The following CIRSR variants were observed in gnomAD, a reference collection of about 807,000 sequenced individuals.
CIRSR encodes corepressor of RBPJ and splicing regulator, also known as CBF1 (RBPJ) interacting corepressor 1.
chr2:174,362,317 A>G, the CIRSR span, among the ~76,000 whole-genome samples: 1 of 151,336 alleles, frequency 6.6e-6, no homozygotes, highest in Non-Finnish European at 1.5e-5. Context: ...ACAAAAACAA[A>G]AACAAAAACA....
chr2:174,377,824 CAAAA>C, the CIRSR span, among the ~76,000 whole-genome samples: 2 of 60,056 alleles, frequency 3.3e-5, no homozygotes, highest in South Asian at 9.7e-4. Context: ...GACGCCATCT[CAAAA>C]AAAAAAAAAA....
At chr2:174,381,615 C>T in the CIRSR span, 2 of 904,632 alleles carry the variant, frequency 2.2e-6, no homozygotes, top group Non-Finnish European at 3.4e-6. Flanking sequence ...TGAGATGGCA[C>T]CACTGCACTC....
chr2:174,384,536 A>C, the CIRSR span, among the ~76,000 whole-genome samples: 1 of 152,296 alleles, frequency 6.6e-6, no homozygotes, highest in East Asian at 1.9e-4. Flanking sequence ...TTACAAAAAA[A>C]CCCACAGACA....
At chr2:174,361,999 T>TA in the CIRSR span, among the ~76,000 whole-genome samples, 7 of 152,168 alleles carry the variant, frequency 4.6e-5, no homozygotes, top group African/African-American at 1.4e-4. Context: ...TAGCTAAATT[T>TA]AAAAAAATTA....
At chr2:174,390,577 T>C in the CIRSR span, among the ~76,000 whole-genome samples, 2 of 152,144 alleles carry the variant, frequency 1.3e-5, no homozygotes, top group African/African-American at 4.8e-5. Context: ...AAGGGCAGGA[T>C]TGTGTTTTGA....
At chr2:174,390,243 C>T in the CIRSR span, among the ~76,000 whole-genome samples, 1 of 152,254 alleles carries the variant, frequency 6.6e-6, no homozygotes, top group African/African-American at 2.4e-5. Flanking sequence ...CTGCCCAAGG[C>T]TTTGGGAGCC....
the CIRSR span, among the ~76,000 whole-genome samples, chr2:174,388,121 G>A: frequency 1.3e-5 from 2 of 152,202 alleles, no homozygotes; most frequent in African/African-American, 2.4e-5. Context: ...AAACTTGGCT[G>A]AAAGTTTACA....
the CIRSR span, chr2:174,358,466 G>C: frequency 6.5e-6 from 1 of 154,404 alleles, no homozygotes; most frequent in Non-Finnish European, 1.4e-5. Flanking sequence ...TCGAACTCCT[G>C]ACCTCAAATG....
chr2:174,361,561 G>A, the CIRSR span, among the ~76,000 whole-genome samples: 2,269 of 152,278 alleles, frequency 0.015, 60 homozygotes, highest in African/African-American at 0.051. Context: ...CATGTGCAGC[G>A]CTTCTTGCAA....
the CIRSR span, among the ~76,000 whole-genome samples, chr2:174,360,841 C>G: frequency 6.6e-6 from 1 of 152,132 alleles, no homozygotes; most frequent in Non-Finnish European, 1.5e-5. Flanking sequence ...TTTGAAATGA[C>G]TTAACCATTG....
the CIRSR span, among the ~76,000 whole-genome samples, chr2:174,354,462 ATAAAATAT>A: frequency 2.1e-5 from 2 of 95,120 alleles, no homozygotes; most frequent in African/African-American, 8.5e-5. Context: ...AATATAATAT[ATAAAATAT>A]ATATAATATA....
chr2:174,381,561 G>A, the CIRSR span: 2 of 586,190 alleles, frequency 3.4e-6, no homozygotes, highest in Admixed American at 3.0e-5. Context: ...GCTGAGGCAG[G>A]AGAATTGCTC....
At chr2:174,364,096 G>C in the CIRSR span, among the ~76,000 whole-genome samples, 1 of 152,208 alleles carries the variant, frequency 6.6e-6, no homozygotes, top group East Asian at 1.9e-4. Flanking sequence ...CCTAGATTCA[G>C]TGGGAGTACA....
chr2:174,370,052 G>GC, the CIRSR span: 1 of 1,359,472 alleles, frequency 7.4e-7, no homozygotes. Context: ...ATCAAATAAG[G>GC]CATGCCTGCA....
the CIRSR span, chr2:174,381,794 A>G: frequency 5.9e-6 from 9 of 1,534,946 alleles, no homozygotes; most frequent in South Asian, 1.3e-5. Context: ...GAAACAAGAC[A>G]AAGTTAACGA....
the CIRSR span, among the ~76,000 whole-genome samples, chr2:174,379,809 C>T: frequency 6.5e-4 from 97 of 149,392 alleles, 1 homozygote; most frequent in South Asian, 0.012. Flanking sequence ...CTGCAACCTC[C>T]ACCTCCTGGG....
At chr2:174,366,909 C>G in the CIRSR span, among the ~76,000 whole-genome samples, 1 of 152,038 alleles carries the variant, frequency 6.6e-6, no homozygotes, top group Non-Finnish European at 1.5e-5. Context: ...CTGTGGCATA[C>G]ATACAAAAGT....
the CIRSR span, among the ~76,000 whole-genome samples, chr2:174,349,963 A>G: frequency 6.6e-6 from 1 of 152,218 alleles, no homozygotes; most frequent in Non-Finnish European, 1.5e-5. Flanking sequence ...AAGAGTACAC[A>G]TTAAACTTCT....
the CIRSR span, among the ~76,000 whole-genome samples, chr2:174,352,533 G>A: frequency 1.3e-5 from 2 of 152,116 alleles, no homozygotes; most frequent in African/African-American, 4.8e-5. Context: ...AGGATCACTT[G>A]AGCCCAGGAG....
Sources: gnomAD v4.1 joint callset for allele counts (sites outside exome capture counted in the v4.1 genomes callset) on GRCh38, gnomAD v4.1.1 for gene constraint, MANE v1.5 for transcripts, NCBI Gene and HGNC (gene_info 2026-07-23, HGNC 2026-07-21) for gene names.